The following PURG variants were observed in gnomAD, a reference collection of about 807,000 sequenced individuals.
PURG encodes the protein purine-rich element-binding protein gamma.
In PURG, 3 loss-of-function variants were observed where a neutral mutation model predicts 24.3. That is an observed-to-expected ratio of 0.12 (90% confidence interval 0.06 to 0.32). The LOEUF (loss-of-function observed/expected upper bound fraction) is 0.32, where lower values mean the gene tolerates loss of function less well. PURG is among the 10% of genes least tolerant of loss of function. The probability of loss-of-function intolerance (pLI) is 1.00; values close to 1 mark genes in which losing one functional copy is unlikely to be tolerated. For synonymous variants in PURG, 180 were observed against 173.1 expected (o/e 1.04, Z -0.31); for missense variants, 371 against 439.1 (o/e 0.84, Z 1.39).
At chr8:31,027,955 T>C (rs1045382781), downstream of PURG, among the ~76,000 whole-genome samples, 1 of 151,770 alleles carries the variant, frequency 6.6e-6, no homozygotes, top group Non-Finnish European at 1.5e-5. Flanking sequence ...CTTACTTCTT[T>C]AGTCTGAATG....
chr8:31,011,178 G>T (rs1226650707), intron 1 of PURG, among the ~76,000 whole-genome samples: 1 of 152,184 alleles, frequency 6.6e-6, no homozygotes, highest in Non-Finnish European at 1.5e-5. Flanking sequence ...AATAAAATTA[G>T]TGATGATGAA....
chr8:31,020,894 T>C (rs915098348), intron 1 of PURG, among the ~76,000 whole-genome samples: 42 of 152,324 alleles, frequency 2.8e-4, no homozygotes, highest in African/African-American at 9.9e-4. Flanking sequence ...ATGCATATTC[T>C]TGGTCTTCTC....
intron 1 of PURG, among the ~76,000 whole-genome samples, chr8:31,003,396 T>TG (rs1323029856): frequency 6.6e-6 from 1 of 151,926 alleles, no homozygotes; most frequent in Non-Finnish European, 1.5e-5. Context: ...ATTATTTTTT[T>TG]TTTCCCACTG....
downstream of PURG, among the ~76,000 whole-genome samples, chr8:31,027,307 T>C (rs1196803266): frequency 6.6e-6 from 1 of 151,682 alleles, no homozygotes; most frequent in Non-Finnish European, 1.5e-5. Context: ...AAGTGGTGAC[T>C]AAGCAAACCC....
chr8:31,003,431 A>G (rs1190805502), intron 1 of PURG, among the ~76,000 whole-genome samples: 2 of 151,830 alleles, frequency 1.3e-5, no homozygotes, highest in Non-Finnish European at 2.9e-5. Context: ...TTATAGTACT[A>G]TATGGCTACT....
Position 31,032,509 on chromosome 8 carries a change from T to C in PURG, c.274A>G (p.Ile92Val). The C allele has an allele frequency of 6.2e-7, 1 of 1,614,246 alleles. No individual in the cohort carries two copies. The highest frequency in any genetic ancestry group is 8.5e-7 in the Non-Finnish European group (1 of 1,180,050). The change falls in exon 2 of 2, where the codon ATA (isoleucine) becomes GTA (valine). Residue 92 changes from isoleucine to valine, a missense_variant. Ile to Val is a conservative substitution (Grantham distance 29). Coordinates refer to ENST00000523392, the MANE Select transcript of PURG (RefSeq NM_001323311.2). This position sits in a 1 kb window ranked among gnomAD's most constrained non-coding sequence, Gnocchi z 5.9. ...GRFLKIAEVW[I>V]GRGRQDNIRK... ...ATGTTGTCCTGCCGGCCTCTCCCTA[T>C]CCAGACTTCGGCTATCTTTAGGAAG... is the stretch of plus-strand genomic sequence containing the variant.
chr8:31,011,228 T>C (rs1810758564), intron 1 of PURG, among the ~76,000 whole-genome samples: 1 of 152,196 alleles, frequency 6.6e-6, no homozygotes, highest in Admixed American at 6.5e-5. Flanking sequence ...ATGTGACATG[T>C]ATATAGCTAC....
At chr8:30,998,407 T>C (rs1449419038) in intron 1 of PURG, among the ~76,000 whole-genome samples, 1 of 151,762 alleles carries the variant, frequency 6.6e-6, no homozygotes, top group Non-Finnish European at 1.5e-5. Context: ...TACAGACGAA[T>C]AGCTAGTTCA....
chr8:31,017,346 G>A (rs1810893622), intron 1 of PURG, among the ~76,000 whole-genome samples: 1 of 151,650 alleles, frequency 6.6e-6, no homozygotes, highest in African/African-American at 2.4e-5. Flanking sequence ...GTAAAAAATT[G>A]TATATATATG....
intron 1 of PURG, among the ~76,000 whole-genome samples, chr8:31,019,783 G>A (rs991504667): frequency 3.4e-5 from 5 of 147,984 alleles, no homozygotes; most frequent in Admixed American, 1.4e-4. Context: ...CACCCGCCTC[G>A]GCCTCCCAAA....
chr8:31,032,495 C>T lies in PURG; in HGVS notation c.288G>A (p.Arg96=). Residue 96 remains arginine, a synonymous_variant, in exon 2 of 2, where the codon CGG becomes CGA. Coordinates refer to ENST00000523392, the MANE Select transcript of PURG (RefSeq NM_001323311.2). This position sits in a 1 kb window ranked among gnomAD's most constrained non-coding sequence, Gnocchi z 5.9. ...GTTTACTCTTTCTGATGTTGTCCTG[C>T]CGGCCTCTCCCTATCCAGACTTCGG... The part of the protein sequence containing the change: ...KIAEVWIGRG[R]QDNIRKSKLT... 6.2e-7 allele frequency: 1 copy of T among 1,614,218 alleles called. No homozygotes were observed. The highest frequency in any genetic ancestry group is 8.5e-7 in the Non-Finnish European group (1 of 1,180,036).
chr8:31,016,732 C>G (rs1272398140), intron 1 of PURG, among the ~76,000 whole-genome samples: 1 of 151,788 alleles, frequency 6.6e-6, no homozygotes, highest in Non-Finnish European at 1.5e-5. Context: ...CCAATCAAAT[C>G]AGAATCTCTG....
intron 1 of PURG, among the ~76,000 whole-genome samples, chr8:31,021,268 G>T (rs183730519): frequency 1.6e-4 from 24 of 152,124 alleles, no homozygotes; most frequent in African/African-American, 4.8e-4. Flanking sequence ...GTTGTTTTTG[G>T]TTCATGAAAA....
intron 1 of PURG, among the ~76,000 whole-genome samples, chr8:31,006,500 A>T (rs1165518073): frequency 6.6e-6 from 1 of 151,096 alleles, no homozygotes; most frequent in East Asian, 2.0e-4. Context: ...AGACTGAGGC[A>T]AGAGAATAGC....
intron 1 of PURG, among the ~76,000 whole-genome samples, chr8:31,012,692 G>A (rs1810784980): frequency 6.6e-6 from 1 of 152,234 alleles, no homozygotes; most frequent in African/African-American, 2.4e-5. Flanking sequence ...TTATGGATAA[G>A]CAAGCTGGGG....
intron 1 of PURG, among the ~76,000 whole-genome samples, chr8:31,018,756 CT>C: frequency 6.6e-6 from 1 of 152,190 alleles, no homozygotes; most frequent in Middle Eastern, 3.4e-3. Context: ...ACTTGCAGAA[CT>C]GCCAAATGTC....
intron 1 of PURG, among the ~76,000 whole-genome samples, chr8:31,003,547 A>T (rs914381223): frequency 3.9e-5 from 6 of 152,170 alleles, no homozygotes; most frequent in African/African-American, 1.4e-4. Context: ...AGATCACTTG[A>T]CATCAGGAGT....
At chr8:31,019,474 C>T (rs925574909) in intron 1 of PURG, among the ~76,000 whole-genome samples, 2 of 149,908 alleles carry the variant, frequency 1.3e-5, no homozygotes. Flanking sequence ...GCTGGGATTA[C>T]AGGAGCCTGC....
At chr8:31,017,799 C>CGA (rs1810905932) in intron 1 of PURG, among the ~76,000 whole-genome samples, 1 of 152,126 alleles carries the variant, frequency 6.6e-6, no homozygotes, top group African/African-American at 2.4e-5. Context: ...GATGTTGCTT[C>CGA]TTTCCACCTT....
Sources: gnomAD v4.1 joint callset for allele counts (sites outside exome capture counted in the v4.1 genomes callset) on GRCh38, gnomAD v4.1.1 for gene constraint, Gnocchi (gnomAD v3.1) non-coding constraint, MANE v1.5 for transcripts, NCBI Gene and HGNC (gene_info 2026-07-23, HGNC 2026-07-21) for gene names.